The following SLC29A3 variants were observed in gnomAD, a reference collection of about 807,000 sequenced individuals.
SLC29A3 encodes the protein solute carrier family 29 member 3, also known as equilibrative nucleoside transporter 3.
Under a neutral mutation model 25.4 loss-of-function variants are expected in SLC29A3, and 18 were observed. That is an observed-to-expected ratio of 0.71 (90% confidence interval 0.49 to 1.05). The LOEUF is 1.05. SLC29A3 is among the 50% of genes least tolerant of loss of function. SLC29A3 has a pLI of 0.00. For missense variants in SLC29A3, 586 were observed against 609.0 expected, an observed-to-expected ratio of 0.96 and a Z score of 0.40; for synonymous variants, 258 against 267.1, an observed-to-expected ratio of 0.97 and a Z score of 0.33.
intron 5 of SLC29A3, among the ~76,000 whole-genome samples, chr10:71,358,320 A>T (rs1408146701): frequency 1.3e-5 from 2 of 152,166 alleles, no homozygotes; most frequent in Non-Finnish European, 2.9e-5. Context: ...CTGGGCTGGT[A>T]GTGAGCCACT....
chr10:71,374,292 G>A (rs1847233672), intron 3 of SLC29A3, among the ~76,000 whole-genome samples: 1 of 152,150 alleles, frequency 6.6e-6, no homozygotes, highest in Non-Finnish European at 1.5e-5. Context: ...TAGAGATTTA[G>A]GGGGCTCCCT....
intron 2 of SLC29A3, among the ~76,000 whole-genome samples, chr10:71,343,053 G>A (rs868337458): frequency 4.5e-4 from 69 of 152,288 alleles, no homozygotes; most frequent in African/African-American, 1.6e-3. Flanking sequence ...ACTCACTGCA[G>A]CCTCGAACTC....
At position 71,341,155 on chromosome 10, in the gene SLC29A3, C is replaced by T. The variant is rs77382903; in HGVS notation, c.301-3054C>T. On this transcript the variant is annotated intron_variant, in intron 2 of 5. Coordinates refer to ENST00000373189, the MANE Select transcript of SLC29A3 (RefSeq NM_018344.6). ...CTCCCCCATCCTCAGGGGAGCGTCC[C>T]CCACCCCTCTCACAGCCACTGGTGC... Among the ~76,000 whole-genome samples, 222 of 152,246 alleles carry T rather than the reference C, an allele frequency of 1.5e-3. 4 individuals carry two copies. In the East Asian group the frequency reaches 0.038, roughly 26 times the overall value.
At chr10:71,377,031 G>A (rs1847257446) in intron 4 of SLC29A3, among the ~76,000 whole-genome samples, 1 of 152,300 alleles carries the variant, frequency 6.6e-6, no homozygotes, top group South Asian at 2.1e-4. Flanking sequence ...CTCCCAAAGT[G>A]CTGGGATTAC....
intron 1 of SLC29A3, chr10:71,319,625 C>G (rs1845801880): frequency 1.8e-5 from 6 of 338,758 alleles, no homozygotes; most frequent in Non-Finnish European, 2.7e-5. Context: ...GTGGCTGATT[C>G]TCTCGGTCCC....
At chr10:71,325,880 T>C (rs1184395475) in intron 2 of SLC29A3, among the ~76,000 whole-genome samples, 1 of 150,908 alleles carries the variant, frequency 6.6e-6, no homozygotes, top group Admixed American at 6.6e-5. Flanking sequence ...GTGTGAACTC[T>C]CCATGCTGCC....
Position 71,323,039 on chromosome 10 carries a change from G to T in SLC29A3, c.285G>T (p.Glu95Asp). Residue 95 changes from glutamate to aspartate, a missense_variant, in exon 2 of 6, where the codon GAG (glutamate) becomes GAT (aspartate). By Grantham distance (45) the Glu-to-Asp change is conservative. Transcript: ENST00000373189. Reference sequence around the variant, plus strand: ...GCCCAGCCACCGGGGAGGACCCTGAGGGCTCAGACATCCTGGTAAGGGCAT... The same window carrying T: ...GCCCAGCCACCGGGGAGGACCCTGATGGCTCAGACATCCTGGTAAGGGCAT... Reference protein sequence around the residue: ...SSSPATGEDPEGSDILNYFES... With the variant: ...SSSPATGEDPDGSDILNYFES... The T allele has an allele frequency of 1.2e-6, 2 of 1,613,406 alleles. No individual in the cohort carries two copies. The highest frequency in any genetic ancestry group is 1.7e-6 in the Non-Finnish European group (2 of 1,180,046).
At chr10:71,354,820 G>A (rs1055034066) in intron 4 of SLC29A3, among the ~76,000 whole-genome samples, 1 of 152,182 alleles carries the variant, frequency 6.6e-6, no homozygotes, top group Non-Finnish European at 1.5e-5. Context: ...TCATCGTCCT[G>A]TTTCCACCTC....
At chr10:71,347,483 C>G (rs1316703426) in intron 3 of SLC29A3, among the ~76,000 whole-genome samples, 2 of 152,098 alleles carry the variant, frequency 1.3e-5, no homozygotes, top group Admixed American at 6.5e-5. Flanking sequence ...CTAGACTTTC[C>G]TAAGACCCTA....
chr10:71,319,340 G>C (rs760340459), intron 1 of SLC29A3, 30 bp downstream of exon 1: 20 of 639,458 alleles, frequency 3.1e-5, no homozygotes, highest in Middle Eastern at 3.9e-4. Flanking sequence ...GGCTCTTCCG[G>C]CTACGGTCCC....
intron 4 of SLC29A3, among the ~76,000 whole-genome samples, chr10:71,352,031 G>A (rs1015769779): frequency 3.3e-5 from 5 of 152,322 alleles, no homozygotes; most frequent in East Asian, 3.9e-4. Context: ...AGCATAGCTC[G>A]ACGGGGAGCG....
chr10:71,368,104 C>G (rs183011400), downstream of SLC29A3, among the ~76,000 whole-genome samples: 81 of 152,164 alleles, frequency 5.3e-4, no homozygotes, highest in Non-Finnish European at 9.4e-4. Context: ...GTGGTACATG[C>G]CTATAGTCCC....
In SLC29A3 at chr10:71,362,126, T is replaced by G. The variant is rs139066012; in HGVS notation, c.946T>G (p.Phe316Val). 1,862 of 1,614,098 alleles carry G rather than the reference T, an allele frequency of 1.2e-3. 2 individuals are homozygous for G. The highest frequency in any genetic ancestry group is 1.4e-3 in the Non-Finnish European group (1,656 of 1,179,988). The change falls in exon 6 of 6, where the codon TTC becomes GTC. Residue 316 changes from phenylalanine (F) to valine (V), a missense_variant. Transcript: ENST00000373189. Reference sequence around the variant, plus strand: ...CCTGGGCTTCTGTGTCACCTACGTCTTCTTCATCACCAGCCTCATCTACCC... The same window carrying G: ...CCTGGGCTTCTGTGTCACCTACGTCGTCTTCATCACCAGCCTCATCTACCC... The part of the protein sequence containing the change: ...ASLGFCVTYV[F>V]FITSLIYPAI...
intron 3 of SLC29A3, among the ~76,000 whole-genome samples, chr10:71,348,120 G>A (rs993170543): frequency 4.6e-5 from 7 of 152,182 alleles, no homozygotes; most frequent in African/African-American, 7.2e-5. Context: ...CCCACCCCCG[G>A]GTGCTACTGA....
intron 5 of SLC29A3, among the ~76,000 whole-genome samples, chr10:71,359,953 T>C (rs1441422183): frequency 6.6e-6 from 1 of 152,148 alleles, no homozygotes; most frequent in Non-Finnish European, 1.5e-5. Context: ...AGCTTTCTTA[T>C]TGGTCAGAGT....
downstream of SLC29A3, among the ~76,000 whole-genome samples, chr10:71,367,618 G>A (rs560491043): frequency 2.6e-5 from 4 of 152,292 alleles, no homozygotes; most frequent in South Asian, 6.2e-4. Flanking sequence ...GGAAGTCCAG[G>A]GCAGCCTCAG....
chr10:71,329,803 A>G (rs1427192418), intron 2 of SLC29A3, among the ~76,000 whole-genome samples: 1 of 152,234 alleles, frequency 6.6e-6, no homozygotes, highest in Non-Finnish European at 1.5e-5. Context: ...TGCCTCCACT[A>G]GAGTACCCAT....
rs1847106215 is a variant in SLC29A3, at chr10:71,362,869, C to T, written c.*261C>T. The T allele has an allele frequency of 4.6e-6, 3 of 655,408 alleles. No homozygotes were observed. Among genetic ancestry groups the T allele is most frequent in the Admixed American group, 4.1e-5 (2 of 48,504 alleles). 40.6% of individuals were successfully genotyped at this position (655,408 alleles called of 1,614,324 possible). A position where few individuals can be genotyped will look rare whatever the true frequency, so the allele number is the denominator to read the frequency against. ...GCACAAATCAGGGGTACTCCCTTCA[C>T]AGCTGATGGTTAACATTCCACCTTC... On this transcript the variant is annotated 3_prime_UTR_variant, in exon 6 of 6. Transcript: ENST00000373189.
exon 5 of SLC29A3, chr10:71,381,307 C>G (rs1394590610): frequency 6.6e-6 from 1 of 152,196 alleles, no homozygotes; most frequent in African/African-American, 2.4e-5. Context: ...GGGGCAGTCT[C>G]TGTACCATCT....
Sources: gnomAD v4.1 joint callset for allele counts (sites outside exome capture counted in the v4.1 genomes callset) on GRCh38, gnomAD v4.1.1 for gene constraint, MANE v1.5 for transcripts, NCBI Gene and HGNC (gene_info 2026-07-23, HGNC 2026-07-21) for gene names.